The following PLAG1 variants were observed in gnomAD, a reference collection of about 807,000 sequenced individuals.
The protein encoded by PLAG1 is PLAG1 zinc finger.
PLAG1 carries 7 observed loss-of-function variants against 35.5 expected under a neutral mutation model. That is an observed-to-expected ratio of 0.20 (90% CI 0.11 to 0.37). The LOEUF (loss-of-function observed/expected upper bound fraction) is 0.37. PLAG1 is among the 10% of genes least tolerant of loss of function. PLAG1 has a pLI of 1.00. For synonymous variants in PLAG1, 229 were observed against 225.4 expected, an observed-to-expected ratio of 1.02 and a Z score of -0.14; for missense variants, 454 against 602.8, an observed-to-expected ratio of 0.75 and a Z score of 2.58.
At position 56,163,361 on chromosome 8, in the gene PLAG1, C is replaced by CT. The variant is rs1395331111; in HGVS notation, c.*2881dup. 1 of 194,302 alleles carries CT rather than the reference C, an allele frequency of 5.1e-6. No homozygotes were observed. Among genetic ancestry groups the CT allele is most frequent in the Non-Finnish European group, 1.1e-5 (1 of 93,616 alleles). 12.0% of individuals were successfully genotyped at this position (194,302 alleles called of 1,614,324 possible). On this transcript the variant is annotated 3_prime_UTR_variant, in exon 5 of 5. Transcript: ENST00000316981. ...TGACATAGAAACAAACAATCTTTTT[C>CT]TAGGGAAAAAAAAGCCAATTCTGTG...
At chr8:56,207,203 T>C (rs1812724475) in intron 1 of PLAG1, among the ~76,000 whole-genome samples, 1 of 151,970 alleles carries the variant, frequency 6.6e-6, no homozygotes, top group Non-Finnish European at 1.5e-5. Flanking sequence ...AGGCAAATGA[T>C]TACTGAAACA....
At position 56,163,598 on chromosome 8, in the gene PLAG1, C is replaced by T. The variant is rs111796461; in HGVS notation, c.*2645G>A. ...GAAAATTAAGACTCCAAAATTTTAA[C>T]ACTGGTGCCCTGAAGATGTGCCTCC... On this transcript the variant is annotated 3_prime_UTR_variant, in exon 5 of 5. Coordinates refer to ENST00000316981, the MANE Select transcript of PLAG1 (RefSeq NM_002655.3). The T allele has an allele frequency of 0.03, 5,842 of 197,858 alleles. 135 individuals are homozygous for T. Among genetic ancestry groups the T allele is most frequent in the African/African-American group, 0.068 (2,927 of 43,248 alleles). The allele number at this position is 197,858 out of a possible 1,614,324, so 12.3% of individuals were successfully genotyped here.
At chr8:56,186,705 T>G (rs924711544) in intron 1 of PLAG1, among the ~76,000 whole-genome samples, 1 of 150,630 alleles carries the variant, frequency 6.6e-6, no homozygotes, top group African/African-American at 2.5e-5. Flanking sequence ...AAAAGTGACC[T>G]TCTTAAATTA....
intron 1 of PLAG1, among the ~76,000 whole-genome samples, chr8:56,181,746 G>C (rs190935943): frequency 6.6e-6 from 1 of 152,124 alleles, no homozygotes; most frequent in East Asian, 1.9e-4. Context: ...TATACCTTTT[G>C]TCAAGTTAAG....
At chr8:56,208,711 T>A (rs551877576) in intron 1 of PLAG1, among the ~76,000 whole-genome samples, 1 of 152,192 alleles carries the variant, frequency 6.6e-6, no homozygotes, top group Admixed American at 6.5e-5. Context: ...CTACTGAAGA[T>A]TAACCTTAAT....
intron 1 of PLAG1, among the ~76,000 whole-genome samples, chr8:56,189,411 A>G (rs548136584): frequency 6.6e-6 from 1 of 152,296 alleles, no homozygotes; most frequent in Non-Finnish European, 1.5e-5. Context: ...CTTCCCCAAC[A>G]GACCAGTATA....
At chr8:56,210,983 T>G (rs1298688464) in intron 1 of PLAG1, 138 bp downstream of exon 1, 1 of 152,986 alleles carries the variant, frequency 6.5e-6, no homozygotes, top group Non-Finnish European at 1.5e-5. Context: ...GAGCAGGGGC[T>G]GAGAGTAGCA....
Position 56,168,042 on chromosome 8 carries a change from C to A in PLAG1, c.228G>T (p.Lys76Asn). The part of the protein sequence containing the change: ...QQDCTKAFVS[K>N]YKLQRHMATH... ...GAGTTTAATACCTTTGTAATTTGTA[C>A]TTAGAAACAAAGGCCTTGGTGCAGT... is the stretch of plus-strand genomic sequence containing the variant. The change falls in exon 4 of 5, where the codon AAG becomes AAT. Residue 76 changes from lysine to asparagine, a missense_variant. By Grantham distance (94) the Lys-to-Asn change is moderately conservative. Around this residue, in one of 4 missense-constraint regions of PLAG1, gnomAD observed 170 missense variants for 226.3 expected, o/e 0.75. Transcript: ENST00000316981. 1 of 1,562,172 alleles carries A rather than the reference C, an allele frequency of 6.4e-7. No homozygotes were observed. The highest frequency in any genetic ancestry group is 1.1e-5 in the South Asian group (1 of 87,100).
intron 1 of PLAG1, among the ~76,000 whole-genome samples, chr8:56,184,515 C>T (rs1473458615): frequency 6.6e-6 from 1 of 152,192 alleles, no homozygotes; most frequent in Non-Finnish European, 1.5e-5. Flanking sequence ...TAGGTCTTCA[C>T]AAAGACTTGT....
In PLAG1 at chr8:56,166,969, A is replaced by T. The variant is rs746224073; in HGVS notation, c.777T>A (p.Ser259=). The change falls in exon 5 of 5, where the codon TCT becomes TCA. Residue 259 remains serine, a synonymous_variant. Coordinates refer to ENST00000316981, the MANE Select transcript of PLAG1 (RefSeq NM_002655.3). Reference sequence around the variant, plus strand: ...GAAGGAGCTCGTCTTTTATAGGCACAGACACATTGCAGGTAAATGGGTCAA... The same window carrying T: ...GAAGGAGCTCGTCTTTTATAGGCACTGACACATTGCAGGTAAATGGGTCAA... ...DFLDPFTCNV[S]VPIKDELLPV... The T allele has an allele frequency of 1.9e-6, 3 of 1,614,008 alleles. No homozygotes were observed. The highest frequency in any genetic ancestry group is 2.7e-5 in the African/African-American group (2 of 74,940).
chr8:56,177,086 T>TA (rs1811720347), intron 2 of PLAG1, among the ~76,000 whole-genome samples: 1 of 151,960 alleles, frequency 6.6e-6, no homozygotes, highest in South Asian at 2.1e-4. Context: ...AAGTTGTACT[T>TA]ATCTATAAAA....
chr8:56,174,823 G>A (rs2129226549), intron 2 of PLAG1, among the ~76,000 whole-genome samples: 1 of 152,256 alleles, frequency 6.6e-6, no homozygotes. Context: ...TTCATATGCA[G>A]TACAGTATAA....
At chr8:56,194,484 T>C (rs1052476952) in intron 1 of PLAG1, among the ~76,000 whole-genome samples, 1 of 152,188 alleles carries the variant, frequency 6.6e-6, no homozygotes, top group Admixed American at 6.5e-5. Flanking sequence ...TGGTGGCTCA[T>C]GCATGCAGTG....
intron 2 of PLAG1, among the ~76,000 whole-genome samples, chr8:56,174,912 G>A (rs1023109562): frequency 1.3e-5 from 2 of 152,174 alleles, no homozygotes; most frequent in Non-Finnish European, 2.9e-5. Context: ...ATGGCAGGAT[G>A]TGCATAGGTT....
At chr8:56,176,878 A>G (rs984044535) in intron 2 of PLAG1, among the ~76,000 whole-genome samples, 1 of 152,180 alleles carries the variant, frequency 6.6e-6, no homozygotes, top group Non-Finnish European at 1.5e-5. Context: ...AGGAACCTAA[A>G]TATCTAGAGA....
intron 1 of PLAG1, among the ~76,000 whole-genome samples, chr8:56,194,998 G>A (rs1274655056): frequency 6.6e-6 from 1 of 152,102 alleles, no homozygotes; most frequent in Non-Finnish European, 1.5e-5. Flanking sequence ...TAAGGTGGGT[G>A]GTGAGCGAAG....
chr8:56,200,533 C>T (rs145483067), intron 1 of PLAG1, among the ~76,000 whole-genome samples: 1 of 152,302 alleles, frequency 6.6e-6, no homozygotes, highest in East Asian at 1.9e-4. Flanking sequence ...CTAATTCATC[C>T]TCCTCTGCTC....
At chr8:56,174,278 C>T (rs1811624798) in intron 2 of PLAG1, among the ~76,000 whole-genome samples, 1 of 152,046 alleles carries the variant, frequency 6.6e-6, no homozygotes, top group Admixed American at 6.6e-5. Context: ...ATGTATGAAA[C>T]ACAAGAGAGT....
intron 1 of PLAG1, among the ~76,000 whole-genome samples, chr8:56,199,594 G>C (rs1365020756): frequency 6.6e-6 from 1 of 152,110 alleles, no homozygotes; most frequent in African/African-American, 2.4e-5. Context: ...AAGATGGGAG[G>C]GGTGAGTGAC....
Sources: gnomAD v4.1 joint callset for allele counts (sites outside exome capture counted in the v4.1 genomes callset) on GRCh38, gnomAD v4.1.1 for gene constraint, gnomAD v4.1.1 regional missense constraint, MANE v1.5 for transcripts, NCBI Gene and HGNC (gene_info 2026-07-23, HGNC 2026-07-21) for gene names.